FGF12: variants seen among roughly 807,000 people sequenced by gnomAD.
FGF12 encodes fibroblast growth factor 12.
In FGF12, 14 loss-of-function variants were observed where a neutral mutation model predicts 23.6. That is an observed-to-expected ratio of 0.59 (90% CI 0.39 to 0.93). The LOEUF (loss-of-function observed/expected upper bound fraction) is 0.93. FGF12 is among the 40% of genes least tolerant of loss of function. The probability of loss-of-function intolerance (pLI) is 0.00; values close to 1 mark genes in which losing one functional copy is unlikely to be tolerated. For synonymous variants in FGF12, 62 were observed against 77.3 expected (o/e 0.80, Z 1.04); for missense variants, 175 against 217.8 (o/e 0.80, Z 1.24).
At chr3:192,644,545 G>T (rs1364469500) in intron 2 of FGF12, among the ~76,000 whole-genome samples, 1 of 152,076 alleles carries the variant, frequency 6.6e-6, no homozygotes, top group Non-Finnish European at 1.5e-5. Context: ...GTCAGTTGCT[G>T]TCTCACACCT....
intron 4 of FGF12, among the ~76,000 whole-genome samples, chr3:192,231,158 G>A (rs1000345214): frequency 6.2e-4 from 94 of 152,150 alleles, no homozygotes; most frequent in African/African-American, 2.2e-3. Context: ...CTCTGACAGA[G>A]TTCCGAATTC....
intron 2 of FGF12, among the ~76,000 whole-genome samples, chr3:192,589,083 T>A (rs1388420592): frequency 6.6e-6 from 1 of 151,880 alleles, no homozygotes; most frequent in African/African-American, 2.4e-5. Context: ...ACGCCTGTAA[T>A]CCCAGCACTT....
intron 4 of FGF12, among the ~76,000 whole-genome samples, chr3:192,249,118 GTACTATTA>G (rs1711831843): frequency 2.0e-5 from 3 of 152,222 alleles, no homozygotes; most frequent in African/African-American, 7.2e-5. Context: ...GCAGCCCACT[GTACTATTA>G]TAATATTAAT....
At chr3:192,386,191 C>T (rs1254697234) in intron 2 of FGF12, among the ~76,000 whole-genome samples, 1 of 152,196 alleles carries the variant, frequency 6.6e-6, no homozygotes, top group Non-Finnish European at 1.5e-5. Context: ...TCCACAGTTC[C>T]ACGCTGACTT....
intron 2 of FGF12, among the ~76,000 whole-genome samples, chr3:192,617,928 T>C (rs1031411877): frequency 3.9e-5 from 6 of 152,128 alleles, no homozygotes; most frequent in African/African-American, 1.4e-4. Context: ...ACTCCAGCTA[T>C]CCTAGGTATT....
In FGF12 at chr3:192,500,437, T is replaced by TC. The variant is rs34993789; in HGVS notation, c.14-139900dup. Among the ~76,000 whole-genome samples, 834 of 145,312 alleles carry TC rather than the reference T, an allele frequency of 5.7e-3. 2 individuals are homozygous for TC. Among genetic ancestry groups the TC allele is most frequent in the Non-Finnish European group, 6.2e-3 (412 of 65,958 alleles). ...TATTGCTGATATAATAAATCCAACA[T>TC]CCCCCCACCCGCCACACACACACAG... On this transcript the variant is annotated intron_variant, in intron 2 of 5. Transcript: ENST00000445105.
chr3:192,495,446 CAAT>C (rs897517243), intron 2 of FGF12, among the ~76,000 whole-genome samples: 14 of 51,598 alleles, frequency 2.7e-4, no homozygotes, highest in African/African-American at 5.8e-4. Context: ...CAATTCACAA[CAAT>C]GATATATATA....
intron 4 of FGF12, among the ~76,000 whole-genome samples, chr3:192,304,467 A>G (rs776920771): frequency 3.9e-5 from 6 of 152,210 alleles, no homozygotes; most frequent in Admixed American, 6.5e-5. Flanking sequence ...CTGTCTAAAC[A>G]GAGTATCTAC....
At chr3:192,257,526 T>C (rs1712477230) in intron 4 of FGF12, among the ~76,000 whole-genome samples, 1 of 152,128 alleles carries the variant, frequency 6.6e-6, no homozygotes, top group Non-Finnish European at 1.5e-5. Context: ...TCTTAAAGAA[T>C]AGATTTCTCC....
chr3:192,662,536 G>C (rs1716710867), intron 2 of FGF12, among the ~76,000 whole-genome samples: 1 of 152,170 alleles, frequency 6.6e-6, no homozygotes, highest in South Asian at 2.1e-4. Flanking sequence ...GATTTCCATA[G>C]GCTAGGAGGT....
intron 4 of FGF12, among the ~76,000 whole-genome samples, chr3:192,330,519 CA>C (rs1480708291): frequency 6.6e-6 from 1 of 152,064 alleles, no homozygotes; most frequent in Non-Finnish European, 1.5e-5. Context: ...TATCCACATG[CA>C]AAAGAATGAA....
At chr3:192,323,433 T>C (rs1376767464) in intron 4 of FGF12, among the ~76,000 whole-genome samples, 1 of 152,172 alleles carries the variant, frequency 6.6e-6, no homozygotes, top group Non-Finnish European at 1.5e-5. Flanking sequence ...AACTGGAAGA[T>C]GTTACGTTAA....
intron 2 of FGF12, among the ~76,000 whole-genome samples, chr3:192,451,216 C>T (rs1722510289): frequency 6.6e-6 from 1 of 152,196 alleles, no homozygotes; most frequent in African/African-American, 2.4e-5. Context: ...TTTATCACTT[C>T]ATAACAATTT....
chr3:192,170,865 G>A (rs1265486135), intron 4 of FGF12, among the ~76,000 whole-genome samples: 2 of 152,132 alleles, frequency 1.3e-5, no homozygotes, highest in Non-Finnish European at 2.9e-5. Context: ...CTTCAGCCCA[G>A]AGATAATAAC....
chr3:192,339,364 G>C (rs888197525), intron 3 of FGF12, among the ~76,000 whole-genome samples: 11 of 152,080 alleles, frequency 7.2e-5, no homozygotes, highest in African/African-American at 2.7e-4. Context: ...TGGGCTGCTT[G>C]ACTCCACCCA....
chr3:192,439,976 G>GAAAAA lies in FGF12; in HGVS notation c.14-79443_14-79439dup, dbSNP rs5855427. On this transcript the variant is annotated intron_variant, in intron 2 of 5. Coordinates refer to ENST00000445105, the MANE Select transcript of FGF12 (RefSeq NM_004113.6). Reference sequence around the variant, plus strand: ...AGGTGACAGAGCAAGACTCCATATGGAAAAAAAAAAAAAAAAGCATAATAT... The same window carrying GAAAAA: ...AGGTGACAGAGCAAGACTCCATATGGAAAAAAAAAAAAAAAAAAAAAGCATAATAT... 1.0e-3 allele frequency among the ~76,000 whole-genome samples: 115 copies of GAAAAA among 114,158 alleles called. 2 individuals are homozygous for GAAAAA. Among genetic ancestry groups the GAAAAA allele is most frequent in the African/African-American group, 3.6e-3 (109 of 30,152 alleles). The allele number at this position is 114,158 out of a possible 152,430, so 74.9% of individuals were successfully genotyped here.
chr3:192,387,334 G>T (rs904093135), intron 2 of FGF12, among the ~76,000 whole-genome samples: 3 of 152,012 alleles, frequency 2.0e-5, no homozygotes, highest in Non-Finnish European at 4.4e-5. Flanking sequence ...AAATTTTAAG[G>T]TTTAGATAAA....
intron 4 of FGF12, among the ~76,000 whole-genome samples, chr3:192,312,367 G>A (rs994197730): frequency 2.0e-5 from 3 of 150,190 alleles, no homozygotes; most frequent in Non-Finnish European, 4.4e-5. Context: ...GATCCATTTT[G>A]GGTTACTTTT....
rs371044548 is a variant in FGF12, at chr3:192,407,989, C to T, written c.14-47451G>A. The T allele has an allele frequency of 3.0e-4, 472 of 1,547,690 alleles. 3 individuals are homozygous for T. Among genetic ancestry groups the T allele is most frequent in the Middle Eastern group, 2.3e-3 (13 of 5,648 alleles). ...TTTGAGGAGGGAGAAAGAGGGCGTC[C>T]CCTCTGGGGAGCCCACTCTCCGGGC... On this transcript the variant is annotated intron_variant, in intron 2 of 5. Coordinates refer to ENST00000445105, the MANE Select transcript of FGF12 (RefSeq NM_004113.6).
Sources: allele counts gnomAD v4.1 joint callset (sites outside exome capture counted in the v4.1 genomes callset), GRCh38; gene constraint gnomAD v4.1.1; transcripts MANE v1.5; gene names NCBI Gene and HGNC (gene_info 2026-07-23, HGNC 2026-07-21).